The following ARHGEF7 variants were observed in gnomAD, a reference collection of about 807,000 sequenced individuals.
ARHGEF7 encodes the protein PAK-interacting exchange factor beta.
Under a neutral mutation model 109.8 loss-of-function variants are expected in ARHGEF7, and 33 were observed. The observed-to-expected ratio is 0.30, with a 90% CI of 0.23 to 0.40. ARHGEF7 has a LOEUF of 0.40. Ranked by LOEUF, ARHGEF7 falls within the 10% of genes least tolerant of loss-of-function variation. ARHGEF7 has a pLI of 1.00. For missense variants in ARHGEF7, 938 were observed against 1,098.5 expected, an observed-to-expected ratio of 0.85 and a Z score of 2.07; for synonymous variants, 458 against 424.6, an observed-to-expected ratio of 1.08 and a Z score of -0.97.
chr13:111,295,029 T>G, intron 19 of ARHGEF7: 1 of 985,850 alleles, frequency 1.0e-6, no homozygotes, highest in Non-Finnish European at 1.2e-6. Flanking sequence ...CCATTTTTAG[T>G]AGGTGACTAC....
chr13:111,296,010 C>G (rs920903349), intron 19 of ARHGEF7, among the ~76,000 whole-genome samples: 4 of 152,204 alleles, frequency 2.6e-5, no homozygotes, highest in African/African-American at 9.7e-5. Flanking sequence ...GGTGCCTGGG[C>G]TGGACAGTTG....
At chr13:111,168,358 A>G (rs1375442887) in intron 2 of ARHGEF7, among the ~76,000 whole-genome samples, 3 of 152,154 alleles carry the variant, frequency 2.0e-5, no homozygotes, top group African/African-American at 7.2e-5. Flanking sequence ...GCCACCTAGC[A>G]GCTGTTGCCA....
chr13:111,275,663 G>C lies in ARHGEF7; in HGVS notation c.1404G>C (p.Gln468His). ...CTTACATGTCCCAGGTCCTGATTCA[G>C]TGTGCCGGAAGTGAGGTACTGCTGC... ...NVTYMSQVLI[Q>H]CAGSEEKNER... The change falls in exon 12 of 22, where the codon CAG becomes CAC. Residue 468 changes from glutamine (Q) to histidine (H), a missense_variant. Gln to His is a conservative substitution (Grantham distance 24). Transcript: ENST00000646102. 6.2e-7 allele frequency: 1 copy of C among 1,614,182 alleles called. No individual in the cohort carries two copies. Among genetic ancestry groups the C allele is most frequent in the Non-Finnish European group, 8.5e-7 (1 of 1,180,026 alleles).
At chr13:111,240,888 G>C (rs570173194) in intron 6 of ARHGEF7, among the ~76,000 whole-genome samples, 397 of 152,266 alleles carry the variant, frequency 2.6e-3, no homozygotes, top group Non-Finnish European at 2.8e-3. Context: ...TCAGTTATTT[G>C]TTTTTAAAGG....
At chr13:111,156,652 C>G (rs1243853478) in intron 2 of ARHGEF7, among the ~76,000 whole-genome samples, 2 of 152,210 alleles carry the variant, frequency 1.3e-5, no homozygotes, top group African/African-American at 4.8e-5. Flanking sequence ...TTGGTCATCT[C>G]CCATGCGGGC....
At position 111,145,840 on chromosome 13, in the gene ARHGEF7, C is replaced by CT. The variant is rs757187837; in HGVS notation, c.166-8064dup. ...GTTTTGGACCTGACATTTCAGCTGT[C>CT]TGAGTCCCTGTTTTCTCATCTGTAA... On this transcript the variant is annotated intron_variant, in intron 1 of 21. Transcript: ENST00000646102. The surrounding 1 kb of genome is among the most constrained non-coding windows in gnomAD (Gnocchi z 4.3). Among the ~76,000 whole-genome samples, 3 of 152,240 alleles carry CT rather than the reference C, an allele frequency of 2.0e-5. No homozygotes were observed. Among genetic ancestry groups the CT allele is most frequent in the Non-Finnish European group, 2.9e-5 (2 of 68,040 alleles).
intron 6 of ARHGEF7, chr13:111,241,220 C>A: frequency 1.3e-6 from 2 of 1,536,168 alleles, no homozygotes; most frequent in Non-Finnish European, 1.7e-6. Context: ...TGAAAACTGC[C>A]TGCGTCCTCT....
chr13:111,275,832 A>T, intron 12 of ARHGEF7, 154 bp downstream of exon 12: 1 of 924,066 alleles, frequency 1.1e-6, no homozygotes, highest in Non-Finnish European at 1.7e-6. Context: ...CACAGGAGAG[A>T]GGCTTATGGC....
intron 1 of ARHGEF7, among the ~76,000 whole-genome samples, chr13:111,136,505 A>G (rs1313810358): frequency 1.3e-5 from 2 of 152,258 alleles, no homozygotes; most frequent in African/African-American, 4.8e-5. Context: ...CTGGGTACAT[A>G]ACAAAATGAA....
chr13:111,169,939 G>A (rs543569865), intron 2 of ARHGEF7, among the ~76,000 whole-genome samples: 33 of 152,264 alleles, frequency 2.2e-4, no homozygotes, highest in African/African-American at 7.5e-4. Flanking sequence ...AATATCAGGG[G>A]GTGAGGTGAG....
At chr13:111,227,773 C>T (rs552813268) in intron 5 of ARHGEF7, among the ~76,000 whole-genome samples, 8 of 152,276 alleles carry the variant, frequency 5.3e-5, no homozygotes, top group Admixed American at 4.6e-4. Context: ...GTGTGCTAAA[C>T]GAGATGCTTT....
At position 111,280,677 on chromosome 13, in the gene ARHGEF7, C is replaced by T. The variant is rs752972172; in HGVS notation, c.1725C>T (p.Thr575=). The change falls in exon 15 of 22, where the codon ACC becomes ACT. Residue 575 remains threonine, a splice_region_variant and synonymous_variant. Transcript: ENST00000646102. ...AGCCTCATTCAGTGCCATCTCATACCGTAAGGACTTGGTGCTTCTCCTCCT... is the reference window on the plus strand; with the variant it reads ...AGCCTCATTCAGTGCCATCTCATACTGTAAGGACTTGGTGCTTCTCCTCCT... The part of the protein sequence containing the change: ...TIKPHSVPSH[T]LPSHPVTPSS... 1.2e-5 allele frequency: 18 copies of T among 1,560,018 alleles called. No individual in the cohort carries two copies. In the South Asian group the frequency reaches 1.3e-4, roughly 12 times the overall value.
At chr13:111,141,175 G>A (rs2075327704) in intron 1 of ARHGEF7, among the ~76,000 whole-genome samples, 1 of 152,116 alleles carries the variant, frequency 6.6e-6, no homozygotes, top group South Asian at 2.1e-4. Context: ...AAAGTTCACA[G>A]TTTCCATTAG....
intron 1 of ARHGEF7, among the ~76,000 whole-genome samples, chr13:111,121,042 CA>C (rs570007439): frequency 6.6e-6 from 1 of 152,194 alleles, no homozygotes; most frequent in East Asian, 1.9e-4. Flanking sequence ...ACTGAGCACC[CA>C]GGGGGGACAA....
intron 5 of ARHGEF7, among the ~76,000 whole-genome samples, chr13:111,227,915 A>G (rs1861771229): frequency 1.3e-5 from 2 of 152,140 alleles, no homozygotes; most frequent in South Asian, 2.1e-4. Flanking sequence ...TTCCTGTTGC[A>G]TTGTCAAGGT....
intron 13 of ARHGEF7, among the ~76,000 whole-genome samples, chr13:111,279,372 G>C (rs2092663350): frequency 6.6e-6 from 1 of 152,150 alleles, no homozygotes; most frequent in South Asian, 2.1e-4. Flanking sequence ...GGTATCAGCA[G>C]CCTCTCTGGC....
intron 2 of ARHGEF7, among the ~76,000 whole-genome samples, chr13:111,193,699 G>A (rs189735030): frequency 3.6e-4 from 55 of 152,280 alleles, no homozygotes; most frequent in South Asian, 1.7e-3. Context: ...TTCAAGTGTC[G>A]TTACATCACT....
chr13:111,134,227 A>G (rs1265765259), intron 1 of ARHGEF7, among the ~76,000 whole-genome samples: 1 of 152,106 alleles, frequency 6.6e-6, no homozygotes, highest in East Asian at 1.9e-4. Flanking sequence ...AGTCTTTGCT[A>G]TTGTGAGTAG....
chr13:111,253,541 T>C (rs1247070311), intron 8 of ARHGEF7, among the ~76,000 whole-genome samples: 1 of 152,172 alleles, frequency 6.6e-6, no homozygotes, highest in Non-Finnish European at 1.5e-5. Flanking sequence ...TAACTCTCCG[T>C]CTCTTTGTTT....
Sources: allele counts gnomAD v4.1 joint callset (sites outside exome capture counted in the v4.1 genomes callset), GRCh38; gene constraint gnomAD v4.1.1; non-coding constraint Gnocchi (gnomAD v3.1); transcripts MANE v1.5; gene names NCBI Gene and HGNC (gene_info 2026-07-23, HGNC 2026-07-21).